Variants in EPHA5 observed in about 807,000 individuals in gnomAD.
EPHA5 encodes the protein ephrin type-A receptor 5.
Under a neutral mutation model 105.0 loss-of-function variants are expected in EPHA5, and 60 were observed. The observed-to-expected ratio is 0.57, with a 90% CI of 0.46 to 0.71. EPHA5 has a LOEUF of 0.71. EPHA5 is among the 30% of genes least tolerant of loss of function. The pLI, the probability that EPHA5 is intolerant of heterozygous loss-of-function variation, is 0.00. For missense variants in EPHA5, 1,218 were observed against 1,274.7 expected (o/e 0.96, Z 0.68); for synonymous variants, 513 against 449.1 (o/e 1.14, Z -1.80).
chr4:65,345,152 C>G (rs1052040163), intron 14 of EPHA5, among the ~76,000 whole-genome samples: 16 of 151,986 alleles, frequency 1.1e-4, no homozygotes, highest in African/African-American at 3.9e-4. Context: ...GTCATAGTCC[C>G]GCCCCTAAAA....
At chr4:65,430,626 A>G (rs1457929947) in intron 5 of EPHA5, among the ~76,000 whole-genome samples, 1 of 152,102 alleles carries the variant, frequency 6.6e-6, no homozygotes, top group African/African-American at 2.4e-5. Flanking sequence ...AGAAACTATT[A>G]TCGTCCCTTT....
intron 2 of EPHA5, among the ~76,000 whole-genome samples, chr4:65,611,266 C>A (rs13112419): frequency 6.6e-6 from 1 of 151,696 alleles, no homozygotes; most frequent in African/African-American, 2.4e-5. Flanking sequence ...CAATATATTT[C>A]GGTATATTCT....
chr4:65,371,861 T>C (rs1366087558), intron 8 of EPHA5, among the ~76,000 whole-genome samples: 2 of 151,920 alleles, frequency 1.3e-5, no homozygotes, highest in African/African-American at 2.4e-5. Context: ...GAAGAAGTGG[T>C]TTTGCACTTA....
Position 65,323,645 on chromosome 4 carries a change from C to T in EPHA5, c.*469G>A, listed in dbSNP as rs1278847177. On this transcript the variant is annotated 3_prime_UTR_variant, in exon 17 of 17. Coordinates refer to ENST00000613740, the MANE Select transcript of EPHA5 (RefSeq NM_001281766.3). ...ATTAAGAAATAATCTAATCATATTG[C>T]TCTTCAATACACTTTTGTAGACAAT... 8.7e-6 allele frequency: 2 copies of T among 230,174 alleles called. No homozygotes were observed. Among genetic ancestry groups the T allele is most frequent in the African/African-American group, 2.2e-5 (1 of 45,100 alleles). The allele number at this position is 230,174 out of a possible 1,614,324, so 14.3% of individuals were successfully genotyped here. A position where few individuals can be genotyped will look rare whatever the true frequency, so the allele number is the denominator to read the frequency against.
chr4:65,504,361 G>T (rs1732790084), intron 3 of EPHA5, among the ~76,000 whole-genome samples: 1 of 116,160 alleles, frequency 8.6e-6, no homozygotes, highest in Non-Finnish European at 2.0e-5. Context: ...AAAATATATT[G>T]AAAAATATAT....
intron 8 of EPHA5, among the ~76,000 whole-genome samples, chr4:65,387,092 A>C (rs1299470547): frequency 2.6e-5 from 4 of 151,950 alleles, no homozygotes; most frequent in African/African-American, 9.7e-5. Context: ...AAAGTGGTGC[A>C]GGTGCAATCT....
At chr4:65,523,404 A>C (rs1400801795) in intron 3 of EPHA5, among the ~76,000 whole-genome samples, 1 of 151,958 alleles carries the variant, frequency 6.6e-6, no homozygotes, top group Non-Finnish European at 1.5e-5. Flanking sequence ...TCTCTTTGCT[A>C]ATGTAATGAA....
chr4:65,556,615 T>C (rs1738469975), intron 3 of EPHA5, among the ~76,000 whole-genome samples: 1 of 152,204 alleles, frequency 6.6e-6, no homozygotes, highest in South Asian at 2.1e-4. Context: ...CAATTTCATA[T>C]AATTTAGAGG....
At chr4:65,524,239 G>A (rs1048268048) in intron 3 of EPHA5, among the ~76,000 whole-genome samples, 2 of 151,762 alleles carry the variant, frequency 1.3e-5, no homozygotes, top group South Asian at 2.1e-4. Flanking sequence ...CAAAGTGACC[G>A]AATAAAGGGA....
At chr4:65,500,297 T>C (rs911829721) in intron 3 of EPHA5, among the ~76,000 whole-genome samples, 2 of 151,308 alleles carry the variant, frequency 1.3e-5, no homozygotes, top group African/African-American at 2.4e-5. Context: ...TGCACCCATA[T>C]TGACATGTTT....
intron 8 of EPHA5, among the ~76,000 whole-genome samples, chr4:65,401,464 CT>C (rs1407354127): frequency 6.6e-6 from 1 of 152,008 alleles, no homozygotes; most frequent in Non-Finnish European, 1.5e-5. Flanking sequence ...AAAGATGTTT[CT>C]ATCACATGAC....
At chr4:65,536,950 T>C (rs2149313651) in intron 3 of EPHA5, among the ~76,000 whole-genome samples, 1 of 151,978 alleles carries the variant, frequency 6.6e-6, no homozygotes, top group Non-Finnish European at 1.5e-5. Flanking sequence ...GTTACCATGA[T>C]GACAACCCAG....
At chr4:65,464,836 TTAA>T (rs1246521082) in intron 5 of EPHA5, among the ~76,000 whole-genome samples, 2 of 152,120 alleles carry the variant, frequency 1.3e-5, no homozygotes, top group Non-Finnish European at 2.9e-5. Context: ...CATTTTGGAA[TTAA>T]TAGCATTTAA....
intron 3 of EPHA5, among the ~76,000 whole-genome samples, chr4:65,566,253 T>C (rs980514910): frequency 1.3e-5 from 2 of 151,736 alleles, no homozygotes; most frequent in East Asian, 1.9e-4. Flanking sequence ...ATAATAACAG[T>C]CTAAATGGAT....
intron 5 of EPHA5, among the ~76,000 whole-genome samples, chr4:65,464,248 C>T (rs1307663272): frequency 6.6e-6 from 1 of 151,848 alleles, no homozygotes; most frequent in African/African-American, 2.4e-5. Context: ...GCTTCAAAAC[C>T]CATCAAAGTT....
rs1309462988 is a variant in EPHA5 at position 65,449,022 on chromosome 4, C to T, written c.1403-28457G>A. Among the ~76,000 whole-genome samples the T allele has an allele frequency of 2.6e-5, 4 of 152,014 alleles. No homozygotes were observed. The East Asian group carries it at 5.8e-4, about 22-fold the overall frequency. On this transcript the variant is annotated intron_variant, in intron 5 of 16. Coordinates refer to ENST00000613740, the MANE Select transcript of EPHA5 (RefSeq NM_001281766.3). ...GTACAAATCACACAGAACAGATGGA[C>T]AGTTTTATACTTGTCAAAGTAAGAA...
intron 2 of EPHA5, among the ~76,000 whole-genome samples, chr4:65,602,814 C>A (rs1743869083): frequency 6.6e-6 from 1 of 152,048 alleles, no homozygotes; most frequent in Non-Finnish European, 1.5e-5. Flanking sequence ...TTAAATCTGT[C>A]ATGTCACAAA....
chr4:65,514,745 T>C (rs1733939833), intron 3 of EPHA5, among the ~76,000 whole-genome samples: 1 of 152,162 alleles, frequency 6.6e-6, no homozygotes, highest in Non-Finnish European at 1.5e-5. Context: ...TCAAATCTCA[T>C]GCCATCAAAC....
chr4:65,583,097 T>C (rs1203063357), intron 3 of EPHA5, among the ~76,000 whole-genome samples: 1 of 151,692 alleles, frequency 6.6e-6, no homozygotes, highest in East Asian at 1.9e-4. Context: ...ATTCATTTAA[T>C]AATATGTTTA....
Sources: gnomAD v4.1 joint callset for allele counts (sites outside exome capture counted in the v4.1 genomes callset) on GRCh38, gnomAD v4.1.1 for gene constraint, MANE v1.5 for transcripts, NCBI Gene and HGNC (gene_info 2026-07-23, HGNC 2026-07-21) for gene names.